USP50: variants seen among roughly 807,000 people sequenced by gnomAD.
The protein encoded by USP50 is ubiquitin specific peptidase 50.
A neutral mutation model predicts 39.2 loss-of-function variants in USP50; 37 were observed. That is an observed-to-expected ratio of 0.94 (90% CI 0.73 to 1.24). The LOEUF is 1.24. Ranked by LOEUF, USP50 falls within the 50% of genes most tolerant of loss-of-function variation. USP50 has a pLI of 0.00. For synonymous variants in USP50, 139 were observed against 144.5 expected, an observed-to-expected ratio of 0.96 and a Z score of 0.27; for missense variants, 374 against 398.2, an observed-to-expected ratio of 0.94 and a Z score of 0.52.
rs747640529 is a variant in USP50, at chr15:50,544,614, G to A, written c.221C>T (p.Thr74Ile). 2.5e-5 allele frequency: 41 copies of A among 1,613,644 alleles called. No individual in the cohort carries two copies. The East Asian group carries it at 6.9e-4, about 27-fold the overall frequency. The change falls in exon 2 of 7, where the codon ACC becomes ATC. Residue 74 changes from threonine to isoleucine, a missense_variant. Transcript: ENST00000532404. ...SILPLVEYFL[T>I]GKYITALQND... is the part of the protein sequence containing the mutation. ...TTGCAGAGCGGTGATATACTTCCCG[G>A]TGAGAAAGTATTCCACCAGCGGCAA...
chr15:50,499,117 T>G, downstream of USP50: 4 of 1,546,754 alleles, frequency 2.6e-6, no homozygotes, highest in Non-Finnish European at 3.5e-6. Flanking sequence ...CTAGTTATCT[T>G]TTAAAAGGCT....
downstream of USP50, chr15:50,498,737 C>A (rs751047153): frequency 8.2e-6 from 13 of 1,587,028 alleles, no homozygotes; most frequent in Admixed American, 2.0e-4. Flanking sequence ...CAGTAAGTAT[C>A]TCTTTGAACT....
chr15:50,530,858 A>G (rs1422291467), intron 5 of USP50, among the ~76,000 whole-genome samples: 1 of 152,184 alleles, frequency 6.6e-6, no homozygotes, highest in Non-Finnish European at 1.5e-5. Flanking sequence ...TATTTATTCT[A>G]ACCAAGCTAG....
intron 6 of USP50, among the ~76,000 whole-genome samples, chr15:50,527,229 G>C (rs2052905275): frequency 6.6e-6 from 1 of 152,084 alleles, no homozygotes; most frequent in South Asian, 2.1e-4. Context: ...TTCTGAGACG[G>C]AGTCTCGTTC....
chr15:50,540,523 G>A (rs181367310), intron 4 of USP50, among the ~76,000 whole-genome samples: 26 of 152,166 alleles, frequency 1.7e-4, no homozygotes, highest in Non-Finnish European at 2.4e-4. Context: ...AGGCTATTTC[G>A]TTGAGTACAT....
chr15:50,523,175 C>CTT lies in USP50; in HGVS notation c.936+6620_936+6621dup, dbSNP rs57450027. Among the ~76,000 whole-genome samples, 87 of 104,206 alleles carry CTT rather than the reference C, an allele frequency of 8.3e-4. 14 individuals carry two copies. The highest frequency in any genetic ancestry group is 6.3e-3 in the East Asian group (23 of 3,648). 68.4% of individuals were successfully genotyped at this position (104,206 alleles called of 152,430 possible). ...AAAATCAACATATAAAAATCAGTAG[C>CTT]TTTTTTTTTTTTTTTTTTGGTGAGA... On this transcript the variant is annotated intron_variant, in intron 6 of 6. Transcript: ENST00000532404.
Position 50,538,697 on chromosome 15 carries a change from A to G in USP50, c.803+12T>C. Reference sequence around the variant, plus strand: ...CGAAAATATGTGCCCACAAAAATGTAAAAATCCATACCTTTTTAGGTGGAA... The same window carrying G: ...CGAAAATATGTGCCCACAAAAATGTGAAAATCCATACCTTTTTAGGTGGAA... On this transcript the variant is annotated intron_variant, in intron 5 of 6. Coordinates refer to ENST00000532404, the MANE Select transcript of USP50 (RefSeq NM_203494.5). 6.4e-7 allele frequency: 1 copy of G among 1,556,036 alleles called. No individual in the cohort carries two copies. Among genetic ancestry groups the G allele is most frequent in the Non-Finnish European group, 8.7e-7 (1 of 1,150,862 alleles).
chr15:50,522,378 C>T (rs2052857427), intron 6 of USP50, among the ~76,000 whole-genome samples: 1 of 152,148 alleles, frequency 6.6e-6, no homozygotes, highest in Admixed American at 6.5e-5. Context: ...AGATCAATTA[C>T]AATGAAATTG....
At chr15:50,521,495 G>C (rs1187672655) in intron 6 of USP50, among the ~76,000 whole-genome samples, 2 of 152,088 alleles carry the variant, frequency 1.3e-5, no homozygotes, top group Admixed American at 1.3e-4. Flanking sequence ...ACTAGAGAAA[G>C]AACAGACGAA....
In USP50 at chr15:50,500,693, T is replaced by C; in HGVS notation, c.*76A>G. The C allele has an allele frequency of 1.4e-6, 2 of 1,407,912 alleles. No individual in the cohort carries two copies. Among genetic ancestry groups the C allele is most frequent in the Non-Finnish European group, 2.0e-6 (2 of 1,017,296 alleles). 87.2% of individuals were successfully genotyped at this position (1,407,912 alleles called of 1,614,324 possible). ...ATTGGTATGGAAAAGGGCTGGCAGC[T>C]ATAGAACAGGAGATCCATAGCATTT... is the stretch of plus-strand genomic sequence containing the variant. On this transcript the variant is annotated 3_prime_UTR_variant, in exon 7 of 7. Transcript: ENST00000532404.
At chr15:50,515,571 C>T (rs1178391712) in intron 6 of USP50, among the ~76,000 whole-genome samples, 2 of 151,276 alleles carry the variant, frequency 1.3e-5, no homozygotes, top group African/African-American at 4.9e-5. Context: ...AGACTGACCC[C>T]CAAAACAGAA....
intron 6 of USP50, chr15:50,504,188 G>A (rs1459773898): frequency 6.6e-6 from 1 of 152,106 alleles, no homozygotes; most frequent in African/African-American, 2.4e-5. Context: ...GTAATCCAGA[G>A]ATGACTTAAA....
chr15:50,523,739 C>G (rs1435586731), intron 6 of USP50, among the ~76,000 whole-genome samples: 1 of 152,132 alleles, frequency 6.6e-6, no homozygotes, highest in Non-Finnish European at 1.5e-5. Context: ...AATGCAATCC[C>G]TATCAAAATT....
Position 50,544,348 on chromosome 15 carries a change from C to T in USP50, c.248+239G>A, listed in dbSNP as rs1303193000. On this transcript the variant is annotated intron_variant, in intron 2 of 6. Coordinates refer to ENST00000532404, the MANE Select transcript of USP50 (RefSeq NM_203494.5). ...CTGCACTCCAGCCTGGGCAACAGAA[C>T]GAGACCCTGGCTCAACAACAACAAT... Among the ~76,000 whole-genome samples the T allele has an allele frequency of 5.3e-5, 8 of 151,178 alleles. No individual in the cohort carries two copies. The East Asian group carries it at 7.8e-4, about 15-fold the overall frequency.
intron 6 of USP50, among the ~76,000 whole-genome samples, chr15:50,521,789 C>T (rs2052852952): frequency 6.6e-6 from 1 of 151,970 alleles, no homozygotes; most frequent in Non-Finnish European, 1.5e-5. Flanking sequence ...ACAGTGAAAC[C>T]CCCATCTCTA....
downstream of USP50, chr15:50,500,336 T>C (rs1273577542): frequency 6.5e-6 from 1 of 154,114 alleles, no homozygotes; most frequent in African/African-American, 2.4e-5. Context: ...GAAAATAATT[T>C]GTTGAATATA....
At chr15:50,501,854 C>T (rs2052594266) in intron 6 of USP50, 1 of 152,000 alleles carries the variant, frequency 6.6e-6, no homozygotes, top group African/African-American at 2.4e-5. Context: ...GGGAAAAGAT[C>T]CAAGTAATAA....
At position 50,544,582 on chromosome 15, in the gene USP50, C is replaced by T; in HGVS notation, c.248+5G>A. Reference sequence around the variant, plus strand: ...CTGGGCTGCAGGGAATGCAAATGGTCTTACTTTTGCAGAGCGGTGATATAC... The same window carrying T: ...CTGGGCTGCAGGGAATGCAAATGGTTTTACTTTTGCAGAGCGGTGATATAC... On this transcript the variant is annotated splice_donor_5th_base_variant and intron_variant, in intron 2 of 6. Coordinates refer to ENST00000532404, the MANE Select transcript of USP50 (RefSeq NM_203494.5). 3.7e-6 allele frequency: 6 copies of T among 1,611,178 alleles called. No homozygotes were observed. The highest frequency in any genetic ancestry group is 5.1e-6 in the Non-Finnish European group (6 of 1,178,514).
chr15:50,535,164 C>A (rs113523748), intron 5 of USP50, among the ~76,000 whole-genome samples: 5,095 of 150,842 alleles, frequency 0.034, 274 homozygotes, highest in African/African-American at 0.12. Flanking sequence ...CACACACACA[C>A]AAAAATTGAT....
Sources: gnomAD v4.1 joint callset for allele counts (sites outside exome capture counted in the v4.1 genomes callset) on GRCh38, gnomAD v4.1.1 for gene constraint, MANE v1.5 for transcripts, NCBI Gene and HGNC (gene_info 2026-07-23, HGNC 2026-07-21) for gene names.